Variants in SLC44A5 observed in about 807,000 individuals in gnomAD.
The protein encoded by SLC44A5 is choline transporter-like protein 5.
Under a neutral mutation model 101.8 loss-of-function variants are expected in SLC44A5, and 57 were observed. That is an observed-to-expected ratio of 0.56 (90% CI 0.45 to 0.70). The LOEUF (loss-of-function observed/expected upper bound fraction) is 0.70, where lower values mean the gene tolerates loss of function less well. Ranked by LOEUF, SLC44A5 falls within the 30% of genes least tolerant of loss-of-function variation. SLC44A5 has a pLI of 0.00. For synonymous variants in SLC44A5, 281 were observed against 290.9 expected, an observed-to-expected ratio of 0.97 and a Z score of 0.35; for missense variants, 737 against 853.1, an observed-to-expected ratio of 0.86 and a Z score of 1.70.
the SLC44A5 span, among the ~76,000 whole-genome samples, chr1:75,684,308 G>T: frequency 6.6e-6 from 1 of 151,998 alleles, no homozygotes; most frequent in East Asian, 1.9e-4. Flanking sequence ...TGCATCCTTG[G>T]CCCCTCCAAA....
At chr1:75,325,905 A>G (rs1391987651) in intron 4 of SLC44A5, among the ~76,000 whole-genome samples, 2 of 152,014 alleles carry the variant, frequency 1.3e-5, no homozygotes, top group Non-Finnish European at 2.9e-5. Context: ...AAATTCATTT[A>G]TGTTTCATAT....
chr1:75,558,438 C>T (rs754815623), intron 1 of SLC44A5, among the ~76,000 whole-genome samples: 3 of 152,024 alleles, frequency 2.0e-5, no homozygotes, highest in African/African-American at 4.8e-5. Context: ...AATTGACAGA[C>T]GTGAGTATTC....
chr1:75,237,099 T>C, intron 10 of SLC44A5, 29 bp from the exon 11 acceptor site: 1 of 1,333,722 alleles, frequency 7.5e-7, no homozygotes, highest in Non-Finnish European at 1.1e-6. Flanking sequence ...AAAAATCAAT[T>C]ATTTTTTGAT....
At chr1:75,365,431 C>G (rs1327728694) in intron 3 of SLC44A5, among the ~76,000 whole-genome samples, 2 of 152,178 alleles carry the variant, frequency 1.3e-5, no homozygotes. Flanking sequence ...ATTTGGTTTT[C>G]TGTTCCTGCA....
intron 2 of SLC44A5, among the ~76,000 whole-genome samples, chr1:75,442,086 T>C (rs1665240425): frequency 6.6e-6 from 1 of 152,188 alleles, no homozygotes; most frequent in Non-Finnish European, 1.5e-5. Context: ...ACTAATTCAG[T>C]TAATTCTCAT....
rs564878783 is a variant in SLC44A5 at position 75,253,519 on chromosome 1, G to A, written c.261-2225C>T. ...CTGTTTATAAATTAATACACAATAT[G>A]TACAAGGCTACTACTTTGAGATCTA... On this transcript the variant is annotated intron_variant, in intron 6 of 23. Coordinates refer to ENST00000370859, the MANE Select transcript of SLC44A5 (RefSeq NM_001130058.2). 8.5e-5 allele frequency among the ~76,000 whole-genome samples: 13 copies of A among 152,092 alleles called. No homozygotes were observed. In the East Asian group the frequency reaches 1.5e-3, roughly 18 times the overall value.
chr1:75,317,978 T>C (rs1035993902), intron 4 of SLC44A5, among the ~76,000 whole-genome samples: 1 of 152,138 alleles, frequency 6.6e-6, no homozygotes, highest in African/African-American at 2.4e-5. Flanking sequence ...AAGTAGCATT[T>C]CTCCTAGTGT....
chr1:75,235,799 A>G (rs1329999333), intron 11 of SLC44A5, among the ~76,000 whole-genome samples: 1 of 151,964 alleles, frequency 6.6e-6, no homozygotes, highest in African/African-American at 2.4e-5. Flanking sequence ...ACATTCAAGG[A>G]CCCATATAGA....
At chr1:75,419,197 A>C (rs907031352) in intron 2 of SLC44A5, among the ~76,000 whole-genome samples, 3 of 152,190 alleles carry the variant, frequency 2.0e-5, no homozygotes, top group Admixed American at 1.3e-4. Flanking sequence ...AATATTTGAA[A>C]AAATAATGGA....
chr1:75,578,771 T>C (rs1460632239), intron 1 of SLC44A5, among the ~76,000 whole-genome samples: 2 of 152,154 alleles, frequency 1.3e-5, no homozygotes, highest in African/African-American at 4.8e-5. Flanking sequence ...AAATTGCTGA[T>C]ATAGTAGATC....
intron 4 of SLC44A5, among the ~76,000 whole-genome samples, chr1:75,322,228 C>T (rs1267472531): frequency 6.6e-6 from 1 of 152,142 alleles, no homozygotes; most frequent in Admixed American, 6.6e-5. Flanking sequence ...AGGAGAATGG[C>T]TTGAACCCAG....
intron 2 of SLC44A5, among the ~76,000 whole-genome samples, chr1:75,410,165 T>G (rs1178037233): frequency 1.3e-5 from 2 of 152,136 alleles, no homozygotes; most frequent in Non-Finnish European, 2.9e-5. Flanking sequence ...TGCCCATATT[T>G]GTATTAACTA....
At chr1:75,497,043 T>G (rs1668714405) in intron 2 of SLC44A5, among the ~76,000 whole-genome samples, 1 of 152,118 alleles carries the variant, frequency 6.6e-6, no homozygotes, top group Non-Finnish European at 1.5e-5. Context: ...GAATGTAATT[T>G]GATATAGTCA....
At chr1:75,211,159 A>T (rs2100449054) in intron 23 of SLC44A5, among the ~76,000 whole-genome samples, 1 of 152,232 alleles carries the variant, frequency 6.6e-6, no homozygotes, top group African/African-American at 2.4e-5. Context: ...CCTTTGACCA[A>T]CATCTCTCTA....
At chr1:75,576,193 A>G (rs1001558262) in intron 1 of SLC44A5, among the ~76,000 whole-genome samples, 2 of 152,142 alleles carry the variant, frequency 1.3e-5, no homozygotes, top group African/African-American at 2.4e-5. Flanking sequence ...TATAAAAGAA[A>G]TAGAGATGAG....
intron 4 of SLC44A5, among the ~76,000 whole-genome samples, chr1:75,321,951 C>G (rs1209235424): frequency 6.6e-6 from 1 of 152,082 alleles, no homozygotes; most frequent in Admixed American, 6.6e-5. Flanking sequence ...AATTCAATTC[C>G]AAACTTCCCA....
At chr1:75,362,467 A>C (rs1010216128) in intron 3 of SLC44A5, among the ~76,000 whole-genome samples, 8 of 151,954 alleles carry the variant, frequency 5.3e-5, no homozygotes, top group Admixed American at 5.2e-4. Context: ...GGCATCCCAT[A>C]AGTTTCTATA....
chr1:75,388,237 CA>C (rs566694024), intron 3 of SLC44A5, among the ~76,000 whole-genome samples: 2,611 of 89,660 alleles, frequency 0.029, 83 homozygotes, highest in African/African-American at 0.11. Context: ...TAAATAAATC[CA>C]AAAAAAAACA....
At chr1:75,456,234 C>T (rs150757263) in intron 2 of SLC44A5, among the ~76,000 whole-genome samples, 3 of 152,224 alleles carry the variant, frequency 2.0e-5, no homozygotes, top group African/African-American at 7.2e-5. Flanking sequence ...GGCCATTATC[C>T]TAAATGAATT....
Sources: gnomAD v4.1 joint callset for allele counts (sites outside exome capture counted in the v4.1 genomes callset) on GRCh38, gnomAD v4.1.1 for gene constraint, MANE v1.5 for transcripts, NCBI Gene and HGNC (gene_info 2026-07-23, HGNC 2026-07-21) for gene names.